The following NRG3 variants were observed in gnomAD, a reference collection of about 807,000 sequenced individuals.
NRG3 encodes the protein neuregulin 3.
NRG3 carries 31 observed loss-of-function variants against 66.9 expected under a neutral mutation model. The observed-to-expected ratio is 0.46, with a 90% CI of 0.35 to 0.63. The LOEUF is 0.63. Among genes scored for constraint, NRG3 ranks in the 20% least tolerant of loss-of-function variants. The probability of loss-of-function intolerance (pLI) is 0.00; values close to 1 mark genes in which losing one functional copy is unlikely to be tolerated. For synonymous variants in NRG3, 393 were observed against 359.4 expected, an observed-to-expected ratio of 1.09 and a Z score of -1.06; for missense variants, 910 against 878.9, an observed-to-expected ratio of 1.04 and a Z score of -0.45.
intron 2 of NRG3, among the ~76,000 whole-genome samples, chr10:82,599,266 T>C (rs1447758845): frequency 1.3e-5 from 2 of 152,128 alleles, no homozygotes; most frequent in Admixed American, 1.3e-4. Context: ...ATTTTTCATT[T>C]TAATATTAGA....
chr10:82,436,413 T>G (rs1185257144), intron 2 of NRG3, among the ~76,000 whole-genome samples: 3 of 152,176 alleles, frequency 2.0e-5, no homozygotes, highest in Admixed American at 1.3e-4. Flanking sequence ...CCCTTTATTT[T>G]GAGCCTGTGT....
At chr10:82,522,610 G>A (rs529349934) in intron 2 of NRG3, among the ~76,000 whole-genome samples, 1 of 151,796 alleles carries the variant, frequency 6.6e-6, no homozygotes, top group Non-Finnish European at 1.5e-5. Flanking sequence ...CACAGTACAC[G>A]TGCTCAATAC....
chr10:82,833,046 C>T (rs943044885), intron 3 of NRG3, among the ~76,000 whole-genome samples: 23 of 152,178 alleles, frequency 1.5e-4, no homozygotes, highest in South Asian at 1.0e-3. Flanking sequence ...TTCATTAGAA[C>T]GCTCTGGTAG....
intron 3 of NRG3, among the ~76,000 whole-genome samples, chr10:82,780,480 C>CTTTTTT (rs150086019): frequency 8.9e-4 from 94 of 106,008 alleles, no homozygotes; most frequent in East Asian, 1.9e-3. Flanking sequence ...TTTTTCTTTT[C>CTTTTTT]TTTTTTTTTT....
At chr10:81,882,309 G>A (rs2132483377) in intron 1 of NRG3, among the ~76,000 whole-genome samples, 1 of 152,220 alleles carries the variant, frequency 6.6e-6, no homozygotes, top group South Asian at 2.1e-4. Context: ...GTTAGATTAA[G>A]GAAGTGATTC....
At chr10:82,537,643 T>C (rs628971) in intron 2 of NRG3, among the ~76,000 whole-genome samples, 73,166 of 152,006 alleles carry the variant, frequency 0.48, 20,969 homozygotes, top group African/African-American at 0.8. Flanking sequence ...AGTAAGAAAA[T>C]AAACATTTCT....
intron 2 of NRG3, among the ~76,000 whole-genome samples, chr10:82,635,976 G>A (rs543037561): frequency 6.3e-4 from 96 of 152,242 alleles, no homozygotes; most frequent in Non-Finnish European, 1.1e-3. Context: ...GGCTTCGTGC[G>A]TAGTGTCAAA....
At chr10:82,363,210 C>A (rs1330373746) in intron 2 of NRG3, among the ~76,000 whole-genome samples, 1 of 152,132 alleles carries the variant, frequency 6.6e-6, no homozygotes, top group Admixed American at 6.6e-5. Context: ...CATAATCTAT[C>A]TAAAAAGAAA....
chr10:82,516,140 TTG>T lies in NRG3; in HGVS notation c.953+157290_953+157291del, dbSNP rs112163903. Among the ~76,000 whole-genome samples, 345 of 149,878 alleles carry T rather than the reference TTG, an allele frequency of 2.3e-3. 1 individual carries two copies. Among genetic ancestry groups the T allele is most frequent in the African/African-American group, 5.7e-3 (233 of 41,042 alleles). ...GTGTCTATTTTGAATGGTTGGAACA[TTG>T]TGTGTGTGTGTGTGTGTATGTGTGT... On this transcript the variant is annotated intron_variant, in intron 2 of 8. Coordinates refer to ENST00000372141, the MANE Select transcript of NRG3 (RefSeq NM_001010848.4).
At chr10:82,154,141 G>A (rs563404804) in intron 1 of NRG3, among the ~76,000 whole-genome samples, 57 of 151,984 alleles carry the variant, frequency 3.8e-4, no homozygotes, top group African/African-American at 1.3e-3. Context: ...CCAAGAAATC[G>A]TTGCCCACAC....
At chr10:82,946,145 A>T (rs1227989314) in intron 4 of NRG3, among the ~76,000 whole-genome samples, 1 of 151,258 alleles carries the variant, frequency 6.6e-6, no homozygotes, top group African/African-American at 2.4e-5. Flanking sequence ...GAATCAGTGG[A>T]GCTTACTGTG....
At chr10:82,248,839 A>G (rs1240439368) in intron 1 of NRG3, among the ~76,000 whole-genome samples, 3 of 152,152 alleles carry the variant, frequency 2.0e-5, no homozygotes, top group Admixed American at 1.3e-4. Context: ...TTTGCATTCT[A>G]TATTGCCTAA....
At chr10:82,681,956 A>G (rs1238101698) in intron 2 of NRG3, among the ~76,000 whole-genome samples, 1 of 152,192 alleles carries the variant, frequency 6.6e-6, no homozygotes, top group Non-Finnish European at 1.5e-5. Flanking sequence ...TGCACAGGCT[A>G]TGGTGGGCGT....
At chr10:82,741,150 T>C (rs1311960272) in intron 3 of NRG3, among the ~76,000 whole-genome samples, 1 of 152,164 alleles carries the variant, frequency 6.6e-6, no homozygotes, top group Admixed American at 6.5e-5. Flanking sequence ...ATGTCTTGCA[T>C]TCATCCATGC....
At chr10:82,778,784 T>C (rs2060006608) in intron 3 of NRG3, among the ~76,000 whole-genome samples, 1 of 151,688 alleles carries the variant, frequency 6.6e-6, no homozygotes, top group Non-Finnish European at 1.5e-5. Context: ...CTCTGTGGGG[T>C]CAAAGGCTAA....
intron 1 of NRG3, among the ~76,000 whole-genome samples, chr10:82,244,026 A>G (rs995047966): frequency 6.6e-6 from 1 of 152,212 alleles, no homozygotes; most frequent in Non-Finnish European, 1.5e-5. Flanking sequence ...ATTAATAGTC[A>G]AAAAAGAAGG....
chr10:82,725,651 CA>C (rs1354625343), intron 2 of NRG3, among the ~76,000 whole-genome samples: 1 of 152,112 alleles, frequency 6.6e-6, no homozygotes, highest in African/African-American at 2.4e-5. Flanking sequence ...AAATAAAATA[CA>C]GTACACCTGT....
intron 2 of NRG3, among the ~76,000 whole-genome samples, chr10:82,374,699 C>T (rs1302477887): frequency 2.0e-5 from 3 of 152,072 alleles, no homozygotes; most frequent in Admixed American, 6.6e-5. Context: ...GGTCCACAGC[C>T]GCACTTGAAG....
At chr10:81,930,092 T>G (rs562147581) in intron 1 of NRG3, among the ~76,000 whole-genome samples, 2 of 152,262 alleles carry the variant, frequency 1.3e-5, no homozygotes, top group East Asian at 3.9e-4. Context: ...AGGAGTGATC[T>G]GTGGAGTTTT....
Sources: allele counts gnomAD v4.1 joint callset (sites outside exome capture counted in the v4.1 genomes callset), GRCh38; gene constraint gnomAD v4.1.1; transcripts MANE v1.5; gene names NCBI Gene and HGNC (gene_info 2026-07-23, HGNC 2026-07-21).